Variants in SLIT3 observed in about 807,000 individuals in gnomAD.
SLIT3 encodes slit homolog 3 protein.
SLIT3 carries 68 observed loss-of-function variants against 184.0 expected under a neutral mutation model. That is an observed-to-expected ratio of 0.37 (90% CI 0.30 to 0.45). The LOEUF (loss-of-function observed/expected upper bound fraction) is 0.45. Among genes scored for constraint, SLIT3 ranks in the 20% least tolerant of loss-of-function variants. The pLI is 1.00. For synonymous variants in SLIT3, 831 were observed against 828.6 expected, an observed-to-expected ratio of 1.00 and a Z score of -0.05; for missense variants, 1,707 against 2,026.0, an observed-to-expected ratio of 0.84 and a Z score of 3.02.
At chr5:169,256,483 G>A (rs1168484507) in intron 1 of SLIT3, among the ~76,000 whole-genome samples, 1 of 152,220 alleles carries the variant, frequency 6.6e-6, no homozygotes, top group Non-Finnish European at 1.5e-5. Flanking sequence ...GTGCACTCAT[G>A]ACTTTCACGC....
At chr5:169,117,160 A>G (rs890100631) in intron 4 of SLIT3, among the ~76,000 whole-genome samples, 4 of 152,214 alleles carry the variant, frequency 2.6e-5, no homozygotes, top group Non-Finnish European at 5.9e-5. Flanking sequence ...GAAGGTACCA[A>G]GAAAGGTGTG....
At chr5:169,292,462 C>A (rs1767388956) in intron 1 of SLIT3, among the ~76,000 whole-genome samples, 1 of 151,918 alleles carries the variant, frequency 6.6e-6, no homozygotes, top group Admixed American at 6.6e-5. Context: ...AAATATGAAC[C>A]AACAGAACCC....
At chr5:169,064,493 G>A (rs1000984128) in intron 4 of SLIT3, among the ~76,000 whole-genome samples, 1 of 152,152 alleles carries the variant, frequency 6.6e-6, no homozygotes, top group African/African-American at 2.4e-5. Flanking sequence ...TTTCCTCACA[G>A]AGATGGAAAC....
At chr5:169,179,295 T>TC (rs1554104705) in intron 4 of SLIT3, among the ~76,000 whole-genome samples, 6 of 145,928 alleles carry the variant, frequency 4.1e-5, no homozygotes, top group Non-Finnish European at 6.0e-5. Flanking sequence ...TTTTTTTTTT[T>TC]CCAGACCAAG....
chr5:168,967,437 C>CTTATTTTTTTTTTTTTTTTTTT (rs1763238023), intron 4 of SLIT3, among the ~76,000 whole-genome samples: 1 of 32,732 alleles, frequency 3.1e-5, no homozygotes, highest in Non-Finnish European at 5.6e-5. Flanking sequence ...CATCTCAAAT[C>CTTATTTTTTTTTTTTTTTTTTT]TTTTTTTTTT....
intron 4 of SLIT3, among the ~76,000 whole-genome samples, chr5:169,175,444 ATTAT>A (rs1397174662): frequency 3.3e-5 from 5 of 152,256 alleles, no homozygotes; most frequent in Non-Finnish European, 7.4e-5. Context: ...GCTTGAGCAA[ATTAT>A]TTATCATCTC....
At chr5:169,224,626 C>T (rs1262372098) in intron 3 of SLIT3, among the ~76,000 whole-genome samples, 1 of 152,048 alleles carries the variant, frequency 6.6e-6, no homozygotes, top group East Asian at 1.9e-4. Context: ...CTTCAGCCTC[C>T]CAAAGTGTTG....
intron 1 of SLIT3, among the ~76,000 whole-genome samples, chr5:169,286,525 G>A (rs1767154602): frequency 1.3e-5 from 2 of 152,148 alleles, no homozygotes; most frequent in African/African-American, 4.8e-5. Context: ...AGGATCCTTG[G>A]AGATCATCCA....
At chr5:169,238,543 CTTTTT>C (rs71698425) in intron 3 of SLIT3, among the ~76,000 whole-genome samples, 4 of 117,140 alleles carry the variant, frequency 3.4e-5, no homozygotes, top group African/African-American at 1.3e-4. Context: ...AGTGAAATAG[CTTTTT>C]TTTTTTTTTT....
At chr5:168,710,346 A>C (rs964859386) in intron 25 of SLIT3, 1 of 152,266 alleles carries the variant, frequency 6.6e-6, no homozygotes. Flanking sequence ...TGTTGCATAC[A>C]AACTCAGTAG....
chr5:168,663,651 G>A lies in SLIT3; in HGVS notation c.*2803C>T, dbSNP rs1760943249. 6.6e-6 allele frequency: 1 copy of A among 152,330 alleles called. No homozygotes were observed. Among genetic ancestry groups the A allele is most frequent in the Non-Finnish European group, 1.5e-5 (1 of 68,248 alleles). The allele number at this position is 152,330 out of a possible 1,614,324, so 9.4% of individuals were successfully genotyped here. ...CTACCCCATTTCTCTCTGCTCCTCA[G>A]TGTGCTTCCCATACTCTTGCCACCC... On this transcript the variant is annotated 3_prime_UTR_variant, in exon 36 of 36. Coordinates refer to ENST00000519560, the MANE Select transcript of SLIT3 (RefSeq NM_003062.4).
At chr5:169,150,018 C>T (rs780204241) in intron 4 of SLIT3, among the ~76,000 whole-genome samples, 6 of 152,192 alleles carry the variant, frequency 3.9e-5, no homozygotes, top group African/African-American at 7.2e-5. Flanking sequence ...CCCACCATCA[C>T]GTGGCCAGTG....
chr5:169,257,652 T>C (rs536546129), intron 1 of SLIT3, among the ~76,000 whole-genome samples: 110 of 145,476 alleles, frequency 7.6e-4, no homozygotes, highest in African/African-American at 2.6e-3. Context: ...GTTCAAGCGA[T>C]TCTCCTTCTC....
chr5:169,088,357 G>A (rs146344468), intron 4 of SLIT3, among the ~76,000 whole-genome samples: 15 of 151,284 alleles, frequency 9.9e-5, no homozygotes, highest in African/African-American at 3.4e-4. Flanking sequence ...GCTGAGATCC[G>A]TACTGCCTCC....
chr5:169,176,409 A>T (rs1341929956), intron 4 of SLIT3, among the ~76,000 whole-genome samples: 1 of 152,132 alleles, frequency 6.6e-6, no homozygotes, highest in Non-Finnish European at 1.5e-5. Flanking sequence ...TCTTCCGTCA[A>T]ATGGGTTTCT....
intron 9 of SLIT3, 118 bp from the exon 10 acceptor site, chr5:168,795,696 G>A (rs529813633): frequency 1.2e-4 from 96 of 804,912 alleles, no homozygotes; most frequent in African/African-American, 1.1e-3. Context: ...ACAGGTGCAC[G>A]GTCTGGTTGT....
At chr5:168,855,302 C>G (rs181347913) in intron 5 of SLIT3, among the ~76,000 whole-genome samples, 1 of 152,242 alleles carries the variant, frequency 6.6e-6, no homozygotes, top group East Asian at 1.9e-4. Flanking sequence ...CTGTGGAAAA[C>G]AGTTTGGTGG....
intron 4 of SLIT3, among the ~76,000 whole-genome samples, chr5:168,952,152 G>A (rs1166797417): frequency 7.2e-5 from 11 of 152,202 alleles, no homozygotes; most frequent in Non-Finnish European, 1.2e-4. Context: ...CATGCATCAT[G>A]GGGCCGCCTG....
Position 168,806,607 on chromosome 5 carries a change from C to G in SLIT3, c.794-20G>C. On this transcript the variant is annotated intron_variant, in intron 8 of 35. Transcript: ENST00000519560. ...GGGGGGCTGTGGAGCCAAGACACAA[C>G]GGTCAACTTATGTCAGTGTCAGGAG... 6.2e-7 allele frequency: 1 copy of G among 1,613,756 alleles called. No homozygotes were observed. Among genetic ancestry groups the G allele is most frequent in the Non-Finnish European group, 8.5e-7 (1 of 1,179,782 alleles).
Sources: allele counts gnomAD v4.1 joint callset (sites outside exome capture counted in the v4.1 genomes callset), GRCh38; gene constraint gnomAD v4.1.1; transcripts MANE v1.5; gene names NCBI Gene and HGNC (gene_info 2026-07-23, HGNC 2026-07-21).